The following ROBO2 variants were observed in gnomAD, a reference collection of about 807,000 sequenced individuals.
ROBO2 encodes roundabout homolog 2.
ROBO2 carries 53 observed loss-of-function variants against 160.8 expected under a neutral mutation model. The observed-to-expected ratio is 0.33, with a 90% CI of 0.26 to 0.41. The LOEUF (loss-of-function observed/expected upper bound fraction) is 0.41. ROBO2 is among the 10% of genes least tolerant of loss of function. The pLI, the probability that ROBO2 is intolerant of heterozygous loss-of-function variation, is 1.00. For missense variants in ROBO2, 1,577 were observed against 1,722.4 expected, an observed-to-expected ratio of 0.92 and a Z score of 1.49; for synonymous variants, 664 against 611.7, an observed-to-expected ratio of 1.09 and a Z score of -1.26.
At chr3:76,746,648 G>C (rs911168150) in intron 2 of ROBO2, among the ~76,000 whole-genome samples, 1 of 152,060 alleles carries the variant, frequency 6.6e-6, no homozygotes, top group African/African-American at 2.4e-5. Context: ...ACATCAAAAA[G>C]CTTATTTTTA....
chr3:76,058,589 CTTTTTTTTT>C (rs10676074), intron 2 of ROBO2, among the ~76,000 whole-genome samples: 1 of 48,862 alleles, frequency 2.0e-5, no homozygotes, highest in East Asian at 6.5e-4. Context: ...ACAGCAGAAA[CTTTTTTTTT>C]TTTTTTTTTT....
intron 2 of ROBO2, among the ~76,000 whole-genome samples, chr3:77,212,836 A>G (rs753585247): frequency 2.2e-4 from 33 of 152,000 alleles, no homozygotes; most frequent in Non-Finnish European, 4.6e-4. Flanking sequence ...AGATAATCAT[A>G]TGTTTTTTGT....
intron 2 of ROBO2, among the ~76,000 whole-genome samples, chr3:76,757,978 G>A (rs2061078662): frequency 1.3e-5 from 2 of 151,776 alleles, no homozygotes; most frequent in Non-Finnish European, 2.9e-5. Flanking sequence ...TAAGTTCTAG[G>A]AGGCCACGGT....
intron 2 of ROBO2, among the ~76,000 whole-genome samples, chr3:77,438,064 C>T (rs1402993041): frequency 6.6e-6 from 1 of 151,856 alleles, no homozygotes; most frequent in Admixed American, 6.6e-5. Flanking sequence ...ATAATACTTT[C>T]CCCTTCTCTT....
chr3:76,329,141 C>A (rs1177950553), intron 2 of ROBO2, among the ~76,000 whole-genome samples: 1 of 152,006 alleles, frequency 6.6e-6, no homozygotes, highest in Non-Finnish European at 1.5e-5. Flanking sequence ...ACTTCACCTA[C>A]CCCAAGTCCC....
intron 2 of ROBO2, among the ~76,000 whole-genome samples, chr3:76,475,080 A>G (rs1320388797): frequency 6.6e-6 from 1 of 151,830 alleles, no homozygotes; most frequent in Admixed American, 6.6e-5. Context: ...ATATTTTTAA[A>G]CACTAGCTAG....
chr3:76,447,819 A>T (rs953409520), intron 2 of ROBO2, among the ~76,000 whole-genome samples: 10 of 144,528 alleles, frequency 6.9e-5, no homozygotes, highest in Non-Finnish European at 1.2e-4. Flanking sequence ...GCATTTTCTC[A>T]CTCATAGGTG....
intron 13 of ROBO2, among the ~76,000 whole-genome samples, chr3:77,572,288 C>G (rs527925496): frequency 6.6e-6 from 1 of 152,112 alleles, no homozygotes; most frequent in East Asian, 1.9e-4. Context: ...TTAACATATA[C>G]TGCAAGGGTT....
intron 19 of ROBO2, among the ~76,000 whole-genome samples, chr3:77,601,200 G>A (rs1431026605): frequency 6.6e-6 from 1 of 152,116 alleles, no homozygotes; most frequent in African/African-American, 2.4e-5. Context: ...AGTTGAAAAT[G>A]TCCTATAATG....
At chr3:76,405,189 G>A (rs1255293912) in intron 2 of ROBO2, among the ~76,000 whole-genome samples, 1 of 151,448 alleles carries the variant, frequency 6.6e-6, no homozygotes, top group Non-Finnish European at 1.5e-5. Flanking sequence ...AAATAATAAG[G>A]TATGAGCCTT....
At chr3:77,022,845 T>G (rs1197762933) in intron 2 of ROBO2, among the ~76,000 whole-genome samples, 2 of 152,190 alleles carry the variant, frequency 1.3e-5, no homozygotes, top group Non-Finnish European at 2.9e-5. Context: ...TTCAGTGGCA[T>G]TAAGAATATT....
At chr3:75,989,827 T>G (rs2065515375) in intron 2 of ROBO2, among the ~76,000 whole-genome samples, 1 of 152,228 alleles carries the variant, frequency 6.6e-6, no homozygotes, top group African/African-American at 2.4e-5. Context: ...GTGCTAAGGA[T>G]GCGTAACACA....
At chr3:76,263,206 A>G (rs1706877219) in intron 2 of ROBO2, among the ~76,000 whole-genome samples, 1 of 152,056 alleles carries the variant, frequency 6.6e-6, no homozygotes, top group East Asian at 1.9e-4. Flanking sequence ...AAAATCACCA[A>G]CAAGCACCGT....
At chr3:77,298,775 C>T (rs1022312813) in intron 2 of ROBO2, among the ~76,000 whole-genome samples, 2 of 152,146 alleles carry the variant, frequency 1.3e-5, no homozygotes, top group African/African-American at 4.8e-5. Flanking sequence ...TTCATCTGTG[C>T]CTCCTGTGTG....
rs528223918 is a variant in ROBO2, at chr3:77,604,923, C to G, written c.3136+2432C>G. On this transcript the variant is annotated intron_variant, in intron 20 of 25. Transcript: ENST00000461745. ...TTAATATTTATTCAATATATAAGTT[C>G]TGAGCACTTCCATTAAAAATCTAAC... Among the ~76,000 whole-genome samples the G allele has an allele frequency of 8.6e-5, 13 of 151,930 alleles. No individual in the cohort carries two copies. The South Asian group carries it at 2.7e-3, about 32-fold the overall frequency.
intron 2 of ROBO2, among the ~76,000 whole-genome samples, chr3:75,954,025 G>A (rs1477261080): frequency 6.6e-6 from 1 of 151,710 alleles, no homozygotes; most frequent in Non-Finnish European, 1.5e-5. Context: ...CTCTATAGAT[G>A]TATTAATACC....
At chr3:77,483,258 CA>C (rs1201584350) in intron 4 of ROBO2, among the ~76,000 whole-genome samples, 1 of 150,572 alleles carries the variant, frequency 6.6e-6, no homozygotes, top group Non-Finnish European at 1.5e-5. Flanking sequence ...CATCCAAATC[CA>C]AAAGAAAAAC....
intron 2 of ROBO2, among the ~76,000 whole-genome samples, chr3:76,278,116 T>G (rs1327647184): frequency 6.6e-6 from 1 of 151,866 alleles, no homozygotes; most frequent in Non-Finnish European, 1.5e-5. Context: ...AAAGTTAAAC[T>G]TGTATGGTTT....
intron 6 of ROBO2, among the ~76,000 whole-genome samples, chr3:77,525,680 A>G (rs2091070287): frequency 6.6e-6 from 1 of 151,112 alleles, no homozygotes; most frequent in East Asian, 1.9e-4. Context: ...GAAAAATCAT[A>G]TTGTTTCTAG....
Sources: gnomAD v4.1 joint callset for allele counts (sites outside exome capture counted in the v4.1 genomes callset) on GRCh38, gnomAD v4.1.1 for gene constraint, MANE v1.5 for transcripts, NCBI Gene and HGNC (gene_info 2026-07-23, HGNC 2026-07-21) for gene names.